SEMA3A: variants seen among roughly 807,000 people sequenced by gnomAD.
SEMA3A encodes the protein semaphorin-3A.
Under a neutral mutation model 97.9 loss-of-function variants are expected in SEMA3A, and 29 were observed. That is an observed-to-expected ratio of 0.30 (90% CI 0.22 to 0.40). The LOEUF (loss-of-function observed/expected upper bound fraction) is 0.40, where lower values mean the gene tolerates loss of function less well. Ranked by LOEUF, SEMA3A falls within the 10% of genes least tolerant of loss-of-function variation. The pLI is 1.00. For synonymous variants in SEMA3A, 321 were observed against 323.7 expected, an observed-to-expected ratio of 0.99 and a Z score of 0.09; for missense variants, 763 against 951.3, an observed-to-expected ratio of 0.80 and a Z score of 2.60.
chr7:84,418,430 C>G lies in SEMA3A; in HGVS notation c.-245-46530G>C, dbSNP rs371351391. The stretch of plus-strand genomic sequence containing the variant: ...CTCCCATGATTCCATTACCTCCCAC[C>G]AGGTCCCACCCACAACATGTGGGAA... On this transcript the variant is annotated intron_variant, in intron 1 of 3. Transcript: ENST00000424555. Among the ~76,000 whole-genome samples, 106 of 152,142 alleles carry G rather than the reference C, an allele frequency of 7.0e-4. 1 individual carries two copies. The highest frequency in any genetic ancestry group is 2.4e-3 in the African/African-American group (98 of 41,534).
intron 1 of SEMA3A, among the ~76,000 whole-genome samples, chr7:84,392,875 T>C (rs1347085047): frequency 1.3e-5 from 2 of 152,098 alleles, no homozygotes; most frequent in African/African-American, 4.8e-5. Context: ...CCTTTATTCA[T>C]TTCTTAATCA....
At chr7:84,231,836 G>GC (rs1799123061) in intron 3 of SEMA3A, among the ~76,000 whole-genome samples, 2 of 151,866 alleles carry the variant, frequency 1.3e-5, no homozygotes, top group Admixed American at 6.6e-5. Flanking sequence ...TGGGTAGGAA[G>GC]CCACTTCAAA....
chr7:84,138,751 T>C (rs1562806611), intron 1 of SEMA3A, among the ~76,000 whole-genome samples: 1 of 152,138 alleles, frequency 6.6e-6, no homozygotes, highest in Non-Finnish European at 1.5e-5. Context: ...CAACACGAGA[T>C]TTTTATATTG....
intron 4 of SEMA3A, among the ~76,000 whole-genome samples, chr7:84,061,848 G>T (rs1377990707): frequency 6.6e-6 from 1 of 152,082 alleles, no homozygotes; most frequent in Admixed American, 6.6e-5. Context: ...TTGGCAATTA[G>T]CTGTCCTGTA....
intron 4 of SEMA3A, among the ~76,000 whole-genome samples, chr7:84,094,866 C>G (rs1210579230): frequency 1.3e-5 from 2 of 151,956 alleles, no homozygotes; most frequent in African/African-American, 4.8e-5. Flanking sequence ...CACTTCAAAG[C>G]AATCACCTTT....
intron 1 of SEMA3A, among the ~76,000 whole-genome samples, chr7:84,473,990 C>T (rs904846660): frequency 2.0e-5 from 3 of 152,120 alleles, no homozygotes; most frequent in African/African-American, 4.8e-5. Flanking sequence ...CAGTTCCAAA[C>T]CCTCCATGGC....
intron 1 of SEMA3A, among the ~76,000 whole-genome samples, chr7:84,445,885 A>C (rs1242144652): frequency 6.6e-6 from 1 of 152,050 alleles, no homozygotes. Context: ...AGATAAAAAA[A>C]AAGAATGAAG....
intron 1 of SEMA3A, among the ~76,000 whole-genome samples, chr7:84,479,623 C>T (rs1246845567): frequency 6.6e-6 from 1 of 152,000 alleles, no homozygotes. Flanking sequence ...TACTATGTAG[C>T]TCAAGATTTC....
At chr7:84,093,709 C>A (rs193293260) in intron 4 of SEMA3A, among the ~76,000 whole-genome samples, 1 of 152,156 alleles carries the variant, frequency 6.6e-6, no homozygotes, top group East Asian at 1.9e-4. Flanking sequence ...GAAAACCAGA[C>A]ACTGCATGTT....
rs78154058 is a variant in SEMA3A, at chr7:84,451,704, G to T, written c.-246+40756C>A. On this transcript the variant is annotated intron_variant, in intron 1 of 3. Coordinates refer to the SEMA3A transcript ENST00000424555. ...ACAGCAAATTTATCACAGAAAATAC[G>T]CCTTGACAAAACTTCTGTTGGAAAA... Among the ~76,000 whole-genome samples, 2,045 of 152,146 alleles carry T rather than the reference G, an allele frequency of 0.013. 90 individuals carry two copies. In the East Asian group the frequency reaches 0.16, roughly 12 times the overall value.
At chr7:84,005,245 T>G in intron 11 of SEMA3A, 94 bp downstream of exon 11, 1 of 885,754 alleles carries the variant, frequency 1.1e-6, no homozygotes, top group Non-Finnish European at 1.9e-6. Context: ...GCACAGAGGG[T>G]TGGCATCCCA....
intron 1 of SEMA3A, among the ~76,000 whole-genome samples, chr7:84,140,087 T>C (rs1220191187): frequency 6.6e-6 from 1 of 152,098 alleles, no homozygotes; most frequent in African/African-American, 2.4e-5. Flanking sequence ...GTTCTTCTCA[T>C]GCATGTGTTT....
chr7:84,034,633 A>T (rs1791876993), intron 6 of SEMA3A, among the ~76,000 whole-genome samples: 1 of 152,192 alleles, frequency 6.6e-6, no homozygotes. Context: ...GCTTTTAATG[A>T]TAAACTTTCA....
chr7:84,226,099 T>C (rs2116345867), intron 3 of SEMA3A, among the ~76,000 whole-genome samples: 1 of 152,200 alleles, frequency 6.6e-6, no homozygotes, highest in East Asian at 1.9e-4. Context: ...CATCTTGAAG[T>C]AAGTCTAAGA....
intron 3 of SEMA3A, among the ~76,000 whole-genome samples, chr7:84,225,008 G>A (rs35377558): frequency 0.041 from 6,289 of 152,108 alleles, 126 homozygotes; most frequent in South Asian, 0.067. Context: ...GCAAAGTTGA[G>A]GAAGAAATGA....
chr7:84,049,314 G>A (rs1792493451), intron 5 of SEMA3A, among the ~76,000 whole-genome samples: 1 of 152,046 alleles, frequency 6.6e-6, no homozygotes. Context: ...CTCAATGTCA[G>A]TAAACTATTT....
At chr7:84,197,069 A>G (rs1798248655), upstream of SEMA3A, among the ~76,000 whole-genome samples, 1 of 152,174 alleles carries the variant, frequency 6.6e-6, no homozygotes, top group Non-Finnish European at 1.5e-5. Context: ...TGGGGGAAGA[A>G]AAACATAAAA....
rs540043920 is a variant in SEMA3A at position 84,033,230 on chromosome 7, C to T, written c.667+13094G>A. Among the ~76,000 whole-genome samples, 11 of 152,262 alleles carry T rather than the reference C, an allele frequency of 7.2e-5. No homozygotes were observed. The South Asian group carries it at 1.9e-3, about 26-fold the overall frequency. ...TTTTCTTGAAACCCAAAAGTCACAA[C>T]CTCTACTACATATTTTTAAAATTCT... On this transcript the variant is annotated intron_variant, in intron 6 of 16. Coordinates refer to ENST00000265362, the MANE Select transcript of SEMA3A (RefSeq NM_006080.3).
chr7:84,379,971 A>C (rs1584277187), intron 1 of SEMA3A, among the ~76,000 whole-genome samples: 1 of 152,312 alleles, frequency 6.6e-6, no homozygotes, highest in Admixed American at 6.5e-5. Flanking sequence ...ACGTAAATGA[A>C]AGTTATGTTT....
Sources: allele counts gnomAD v4.1 joint callset (sites outside exome capture counted in the v4.1 genomes callset), GRCh38; gene constraint gnomAD v4.1.1; transcripts MANE v1.5; gene names NCBI Gene and HGNC (gene_info 2026-07-23, HGNC 2026-07-21).